The following NOS1 variants were observed in gnomAD, a reference collection of about 807,000 sequenced individuals.
NOS1 encodes NOS type I.
A neutral mutation model predicts 164.5 loss-of-function variants in NOS1; 51 were observed. The observed-to-expected ratio is 0.31, with a 90% confidence interval of 0.25 to 0.39. The LOEUF is 0.39. Ranked by LOEUF, NOS1 falls within the 10% of genes least tolerant of loss-of-function variation. The pLI, the probability that NOS1 is intolerant of heterozygous loss-of-function variation, is 1.00. For missense variants in NOS1, 1,362 were observed against 1,885.6 expected, an observed-to-expected ratio of 0.72 and a Z score of 5.14; for synonymous variants, 719 against 745.8, an observed-to-expected ratio of 0.96 and a Z score of 0.59.
chr12:117,343,466 C>T (rs1876210647), intron 1 of NOS1, among the ~76,000 whole-genome samples: 1 of 152,128 alleles, frequency 6.6e-6, no homozygotes. Context: ...CTCAATTTGG[C>T]TCAATTCCAA....
chr12:117,266,608 G>A (rs1167200291), intron 11 of NOS1, among the ~76,000 whole-genome samples: 1 of 151,278 alleles, frequency 6.6e-6, no homozygotes, highest in Non-Finnish European at 1.5e-5. Context: ...TGCAATCTCG[G>A]CTCGCCGCAA....
chr12:117,296,701 C>A (rs1019097575), intron 3 of NOS1, among the ~76,000 whole-genome samples: 1 of 152,094 alleles, frequency 6.6e-6, no homozygotes, highest in Non-Finnish European at 1.5e-5. Flanking sequence ...TCTAGAGAAC[C>A]CTGACTAATA....
In NOS1 at chr12:117,286,391, C is replaced by A. The variant is rs1592989813; in HGVS notation, c.1128-125G>T. The A allele has an allele frequency of 5.1e-6, 5 of 984,028 alleles. No individual in the cohort carries two copies. In the East Asian group the frequency reaches 1.1e-4, roughly 21 times the overall value. The allele number at this position is 984,028 out of a possible 1,614,324, so 61.0% of individuals were successfully genotyped here. A position where few individuals can be genotyped will look rare whatever the true frequency, so the allele number is the denominator to read the frequency against. On this transcript the variant is annotated intron_variant, in intron 5 of 28. Transcript: ENST00000317775. ...ATTCCAAGTTGATTTCTGGATGCAACAGTTTGATTTCTGGATGCAAGATAA... is the reference window on the plus strand; with the variant it reads ...ATTCCAAGTTGATTTCTGGATGCAAAAGTTTGATTTCTGGATGCAAGATAA...
chr12:117,256,433 C>T (rs1427272183), intron 16 of NOS1, among the ~76,000 whole-genome samples: 1 of 151,906 alleles, frequency 6.6e-6, no homozygotes, highest in Non-Finnish European at 1.5e-5. Flanking sequence ...TGCACTCCAC[C>T]ATGGCCAGCT....
chr12:117,301,804 T>C (rs1194520889), intron 3 of NOS1, among the ~76,000 whole-genome samples: 1 of 152,200 alleles, frequency 6.6e-6, no homozygotes, highest in Non-Finnish European at 1.5e-5. Flanking sequence ...GGTGGTCACT[T>C]TGGGCTTTGG....
rs1870362603 is a variant in NOS1 at position 117,243,547 on chromosome 12, A to ATCC, written c.2824-113_2824-112insGGA. The ATCC allele has an allele frequency of 2.5e-6, 3 of 1,189,666 alleles. No individual in the cohort carries two copies. Among genetic ancestry groups the ATCC allele is most frequent in the Non-Finnish European group, 3.5e-6 (3 of 848,730 alleles). The allele number at this position is 1,189,666 out of a possible 1,614,324, so 73.7% of individuals were successfully genotyped here. Reference sequence around the variant, plus strand: ...CATTCACCCATCCATCCATCTATCCAACCATCCATCCATCCATCCATCCAT... The same window carrying ATCC: ...CATTCACCCATCCATCCATCTATCCATCCACCATCCATCCATCCATCCATCCAT... On this transcript the variant is annotated intron_variant, in intron 18 of 28. Transcript: ENST00000317775. This position sits in a 1 kb window ranked among gnomAD's most constrained non-coding sequence, Gnocchi z 4.3.
At chr12:117,278,190 T>C (rs1873340580) in intron 8 of NOS1, 92 bp from the exon 9 acceptor site, 4 of 1,388,114 alleles carry the variant, frequency 2.9e-6, no homozygotes, top group Middle Eastern at 3.8e-4. Context: ...TGGATAGAGA[T>C]CCAAATGCAA....
intron 8 of NOS1, among the ~76,000 whole-genome samples, chr12:117,280,412 C>T (rs1873542417): frequency 2.6e-5 from 4 of 152,284 alleles, no homozygotes; most frequent in Middle Eastern, 3.4e-3. Flanking sequence ...GTAGTTCTAG[C>T]TTTTCTTCTC....
In NOS1 at chr12:117,290,376, C is replaced by T. The variant is rs1872965395; in HGVS notation, c.903G>A (p.Lys301=). The T allele has an allele frequency of 6.2e-7, 1 of 1,613,796 alleles. No individual in the cohort carries two copies. The highest frequency in any genetic ancestry group is 8.5e-7 in the Non-Finnish European group (1 of 1,179,868). ...TCTTGACCTTGAGGAAGCGTGGACACTTGGAGGGGCTGCCATTCTTTGTGG... is the reference window on the plus strand; with the variant it reads ...TCTTGACCTTGAGGAAGCGTGGACATTTGGAGGGGCTGCCATTCTTTGTGG... ...QSPTKNGSPS[K]CPRFLKVKNW... The change falls in exon 4 of 29, where the codon AAG becomes AAA. Residue 301 remains lysine, a synonymous_variant. Transcript: ENST00000317775.
Position 117,212,875 on chromosome 12 carries a change from T to C in NOS1, c.*2434A>G, listed in dbSNP as rs1956549985. On this transcript the variant is annotated 3_prime_UTR_variant, in exon 29 of 29. Transcript: ENST00000317775. ...GAGAGGCTTTTGGTATCAGGAATTC[T>C]GGCAAATGAAAGAAACACATCAGAT... The C allele has an allele frequency of 4.1e-6, 4 of 985,432 alleles. No individual in the cohort carries two copies. The highest frequency in any genetic ancestry group is 4.8e-6 in the Non-Finnish European group (4 of 829,944). The allele number at this position is 985,432 out of a possible 1,614,324, so 61.0% of individuals were successfully genotyped here. A position where few individuals can be genotyped will look rare whatever the true frequency, so the allele number is the denominator to read the frequency against.
intron 10 of NOS1, among the ~76,000 whole-genome samples, chr12:117,271,984 G>C (rs1469812947): frequency 6.6e-6 from 1 of 152,162 alleles, no homozygotes; most frequent in Non-Finnish European, 1.5e-5. Context: ...AGACCGAGAG[G>C]CAGCGGAGTG....
intron 2 of NOS1, among the ~76,000 whole-genome samples, chr12:117,325,874 T>A (rs926476718): frequency 6.6e-6 from 1 of 152,348 alleles, no homozygotes; most frequent in Admixed American, 6.5e-5. Context: ...GTCTGAGCAC[T>A]GATATGTTAA....
intron 2 of NOS1, among the ~76,000 whole-genome samples, chr12:117,325,414 T>C (rs1252414168): frequency 1.3e-5 from 2 of 151,812 alleles, no homozygotes; most frequent in Admixed American, 6.6e-5. Flanking sequence ...TTTGTGGAGG[T>C]AGTTTTGGTT....
rs1330168255 is a variant in NOS1, at chr12:117,208,248, G to A, written c.*7061C>T. Reference sequence around the variant, plus strand: ...AGAACTATACAGAAGAAGAGCATGCGACAAACACAGCCTGGACAACCTCGC... The same window carrying A: ...AGAACTATACAGAAGAAGAGCATGCAACAAACACAGCCTGGACAACCTCGC... On this transcript the variant is annotated 3_prime_UTR_variant, in exon 29 of 29. Coordinates refer to ENST00000317775, the MANE Select transcript of NOS1 (RefSeq NM_000620.5). The A allele has an allele frequency of 3.1e-6, 4 of 1,275,620 alleles. No homozygotes were observed. Among genetic ancestry groups the A allele is most frequent in the Admixed American group, 2.3e-5 (1 of 43,160 alleles). The allele number at this position is 1,275,620 out of a possible 1,614,324, so 79.0% of individuals were successfully genotyped here.
intron 2 of NOS1, among the ~76,000 whole-genome samples, chr12:117,313,573 G>A (rs1347995425): frequency 6.6e-6 from 1 of 152,142 alleles, no homozygotes; most frequent in African/African-American, 2.4e-5. Flanking sequence ...TGGGATTACA[G>A]GTATGAGCCA....
chr12:117,264,075 C>T (rs1353440813), intron 12 of NOS1, 101 bp from the exon 13 acceptor site: 2 of 882,890 alleles, frequency 2.3e-6, no homozygotes, highest in Non-Finnish European at 3.6e-6. Context: ...ACTGCCTGAC[C>T]CTCGGCCTCT....
chr12:117,277,920 C>T (rs757675682), intron 9 of NOS1, 39 bp downstream of exon 9: 1 of 484,222 alleles, frequency 2.1e-6, no homozygotes, highest in Non-Finnish European at 2.7e-6. Context: ...ACTGGGCAAA[C>T]CCACTCACCC....
chr12:117,246,461 A>T (rs1870622366), intron 18 of NOS1, among the ~76,000 whole-genome samples: 1 of 152,192 alleles, frequency 6.6e-6, no homozygotes. Flanking sequence ...CTGTATAGAT[A>T]GGTATAAATG....
chr12:117,310,250 A>G (rs1358668080), intron 3 of NOS1, among the ~76,000 whole-genome samples: 1 of 152,138 alleles, frequency 6.6e-6, no homozygotes, highest in Non-Finnish European at 1.5e-5. Context: ...TGTGCCAAAT[A>G]AGGTATGGGC....
Sources: gnomAD v4.1 joint callset for allele counts (sites outside exome capture counted in the v4.1 genomes callset) on GRCh38, gnomAD v4.1.1 for gene constraint, Gnocchi (gnomAD v3.1) non-coding constraint, MANE v1.5 for transcripts, NCBI Gene and HGNC (gene_info 2026-07-23, HGNC 2026-07-21) for gene names.